The following BMAL1 variants were observed in gnomAD, a reference collection of about 807,000 sequenced individuals.
The protein encoded by BMAL1 is basic helix-loop-helix ARNT like 1.
chr11:13,369,935 C>T, the BMAL1 span, among the ~76,000 whole-genome samples: 2 of 152,054 alleles, frequency 1.3e-5, no homozygotes, highest in Non-Finnish European at 2.9e-5. Flanking sequence ...CAGTTGGGAG[C>T]AGAGGAGAGA....
At chr11:13,336,825 G>A in the BMAL1 span, among the ~76,000 whole-genome samples, 1 of 152,186 alleles carries the variant, frequency 6.6e-6, no homozygotes, top group East Asian at 1.9e-4. Context: ...CTGGCAGTAA[G>A]CTTTTGGTCC....
chr11:13,351,736 G>A, the BMAL1 span, among the ~76,000 whole-genome samples: 4 of 152,334 alleles, frequency 2.6e-5, no homozygotes, highest in East Asian at 7.7e-4. Flanking sequence ...GAAGGGCGAG[G>A]TCAGCTCTCC....
At chr11:13,324,064 T>G in the BMAL1 span, among the ~76,000 whole-genome samples, 1 of 152,240 alleles carries the variant, frequency 6.6e-6, no homozygotes, top group African/African-American at 2.4e-5. Context: ...CAACTCTTAC[T>G]GTATGTCCTG....
the BMAL1 span, chr11:13,376,752 T>TG: frequency 3.7e-6 from 6 of 1,607,436 alleles, no homozygotes; most frequent in African/African-American, 6.7e-5. Flanking sequence ...GCTGGGGCCC[T>TG]GGGGCTTGCC....
the BMAL1 span, among the ~76,000 whole-genome samples, chr11:13,383,751 T>A: frequency 2.6e-5 from 4 of 152,096 alleles, no homozygotes; most frequent in Non-Finnish European, 5.9e-5. Flanking sequence ...CTCCGGGGAC[T>A]GAGGTGGGAG....
chr11:13,385,293 G>C, the BMAL1 span, among the ~76,000 whole-genome samples: 1 of 152,160 alleles, frequency 6.6e-6, no homozygotes, highest in South Asian at 2.1e-4. Context: ...TTCACAGCTT[G>C]TTAACTCCAC....
the BMAL1 span, among the ~76,000 whole-genome samples, chr11:13,382,543 C>G: frequency 1.3e-5 from 2 of 151,582 alleles, no homozygotes; most frequent in Non-Finnish European, 2.9e-5. Context: ...TGCTTGCCAG[C>G]TGTCTTCTTA....
chr11:13,283,605 C>T, the BMAL1 span, among the ~76,000 whole-genome samples: 2,650 of 152,236 alleles, frequency 0.017, 35 homozygotes, highest in South Asian at 0.046. Flanking sequence ...GGAAACACCC[C>T]GTTATATCCC....
At chr11:13,346,264 T>A in the BMAL1 span, among the ~76,000 whole-genome samples, 5 of 152,242 alleles carry the variant, frequency 3.3e-5, no homozygotes, top group East Asian at 9.6e-4. Context: ...GCCACCAGGC[T>A]GTGCAGAACC....
the BMAL1 span, among the ~76,000 whole-genome samples, chr11:13,307,420 T>G: frequency 6.6e-6 from 1 of 152,222 alleles, no homozygotes; most frequent in Non-Finnish European, 1.5e-5. Context: ...TTACTTTGTT[T>G]GCACTTCACC....
chr11:13,332,379 A>G, the BMAL1 span, among the ~76,000 whole-genome samples: 36 of 152,324 alleles, frequency 2.4e-4, no homozygotes, highest in African/African-American at 8.2e-4. Flanking sequence ...CTAATCTTTG[A>G]TACCTACAGC....
the BMAL1 span, chr11:13,354,259 A>G: frequency 2.2e-6 from 3 of 1,352,200 alleles, no homozygotes; most frequent in Non-Finnish European, 2.9e-6. Context: ...TTGAGAGCTC[A>G]TCGAAATAAA....
chr11:13,280,038 C>T, the BMAL1 span, among the ~76,000 whole-genome samples: 18 of 152,290 alleles, frequency 1.2e-4, no homozygotes, highest in African/African-American at 4.1e-4. Context: ...GAAAGTAAGA[C>T]GGTTGAACTA....
the BMAL1 span, among the ~76,000 whole-genome samples, chr11:13,363,133 T>TAC: frequency 2.0e-5 from 1 of 50,196 alleles, no homozygotes; most frequent in Non-Finnish European, 4.0e-5. Flanking sequence ...ATTTCATATA[T>TAC]ATATATATAT....
At chr11:13,324,326 T>C in the BMAL1 span, among the ~76,000 whole-genome samples, 1 of 152,192 alleles carries the variant, frequency 6.6e-6, no homozygotes, top group African/African-American at 2.4e-5. Flanking sequence ...CTGCTCATCT[T>C]CTCTGGTCTC....
the BMAL1 span, chr11:13,365,626 C>T: frequency 1.3e-6 from 2 of 1,561,636 alleles, no homozygotes; most frequent in Non-Finnish European, 1.8e-6. Context: ...GGTGGGCAGC[C>T]TCACAGCAGT....
the BMAL1 span, among the ~76,000 whole-genome samples, chr11:13,340,455 A>G: frequency 1.3e-5 from 2 of 152,220 alleles, no homozygotes; most frequent in African/African-American, 4.8e-5. Flanking sequence ...TCCTAGTCCA[A>G]GCTTCTCACA....
chr11:13,355,152 G>C, the BMAL1 span: 4 of 1,359,346 alleles, frequency 2.9e-6, no homozygotes, highest in Non-Finnish European at 4.1e-6. Flanking sequence ...CCATTTAAGA[G>C]GTTTTCTTTT....
chr11:13,323,877 A>C, the BMAL1 span, among the ~76,000 whole-genome samples: 1 of 152,346 alleles, frequency 6.6e-6, no homozygotes, highest in Non-Finnish European at 1.5e-5. Context: ...TTGGCCTCCC[A>C]AAGTGCTGGG....
Sources: gnomAD v4.1 joint callset for allele counts (sites outside exome capture counted in the v4.1 genomes callset) on GRCh38, gnomAD v4.1.1 for gene constraint, MANE v1.5 for transcripts, NCBI Gene and HGNC (gene_info 2026-07-23, HGNC 2026-07-21) for gene names.